Variants in SLC35F3 observed in about 807,000 individuals in gnomAD.
SLC35F3 encodes putative thiamine transporter SLC35F3.
SLC35F3 carries 25 observed loss-of-function variants against 49.9 expected under a neutral mutation model. The observed-to-expected ratio is 0.50, with a 90% CI of 0.37 to 0.70. The LOEUF (loss-of-function observed/expected upper bound fraction) is 0.70, where lower values mean the gene tolerates loss of function less well. Among genes scored for constraint, SLC35F3 ranks in the 30% least tolerant of loss-of-function variants. The pLI, the probability that SLC35F3 is intolerant of heterozygous loss-of-function variation, is 0.00. For synonymous variants in SLC35F3, 275 were observed against 265.4 expected, an observed-to-expected ratio of 1.04 and a Z score of -0.35; for missense variants, 525 against 639.8, an observed-to-expected ratio of 0.82 and a Z score of 1.94.
At chr1:234,313,499 A>C (rs528590962) in intron 4 of SLC35F3, among the ~76,000 whole-genome samples, 1 of 152,248 alleles carries the variant, frequency 6.6e-6, no homozygotes, top group African/African-American at 2.4e-5. Context: ...CCTCCAGCCA[A>C]CTGTTCCCTA....
intron 2 of SLC35F3, chr1:234,213,371 G>T: frequency 6.6e-6 from 1 of 152,362 alleles, no homozygotes; most frequent in Non-Finnish European, 1.5e-5. Context: ...GACCCACACT[G>T]ATGGCTGGGC....
intron 3 of SLC35F3, among the ~76,000 whole-genome samples, chr1:234,307,255 C>T (rs557518670): frequency 6.6e-6 from 1 of 152,186 alleles, no homozygotes; most frequent in African/African-American, 2.4e-5. Flanking sequence ...TCAGTTGAAT[C>T]GGTTTCATGA....
At chr1:234,123,442 C>T (rs892820138) in intron 2 of SLC35F3, among the ~76,000 whole-genome samples, 1 of 152,174 alleles carries the variant, frequency 6.6e-6, no homozygotes, top group Admixed American at 6.5e-5. Flanking sequence ...CACAATCTTA[C>T]TCTATCGCTC....
At chr1:234,228,984 T>C (rs1667328385) in intron 2 of SLC35F3, among the ~76,000 whole-genome samples, 1 of 152,198 alleles carries the variant, frequency 6.6e-6, no homozygotes, top group Non-Finnish European at 1.5e-5. Context: ...AGACACAGTA[T>C]AGTGAAGTGG....
At chr1:234,163,257 A>G (rs2102914461) in intron 2 of SLC35F3, among the ~76,000 whole-genome samples, 1 of 152,340 alleles carries the variant, frequency 6.6e-6, no homozygotes, top group East Asian at 1.9e-4. Flanking sequence ...TGTTGATGTT[A>G]GTACCTTCCT....
intron 2 of SLC35F3, among the ~76,000 whole-genome samples, chr1:234,184,642 G>C (rs1340768050): frequency 6.6e-6 from 1 of 152,140 alleles, no homozygotes; most frequent in South Asian, 2.1e-4. Flanking sequence ...AGCCCATCCT[G>C]GCTCTGGGAT....
At chr1:234,301,012 G>C (rs1327398485) in intron 3 of SLC35F3, among the ~76,000 whole-genome samples, 27 of 152,218 alleles carry the variant, frequency 1.8e-4, no homozygotes, top group Admixed American at 1.8e-3. Context: ...TATCTGGCCT[G>C]GGTAGAAACA....
intron 2 of SLC35F3, among the ~76,000 whole-genome samples, chr1:234,203,617 A>C (rs1465020860): frequency 6.6e-6 from 1 of 152,130 alleles, no homozygotes; most frequent in Non-Finnish European, 1.5e-5. Flanking sequence ...AGGCTGAGGC[A>C]GGAGAATCAC....
chr1:234,108,421 TTATA>T (rs1361499595), intron 2 of SLC35F3, among the ~76,000 whole-genome samples: 1 of 96,964 alleles, frequency 1.0e-5, no homozygotes, highest in Admixed American at 1.4e-4. Context: ...TATATATTAT[TTATA>T]TATAAAAGAT....
At chr1:234,133,161 A>G (rs1665759247) in intron 2 of SLC35F3, among the ~76,000 whole-genome samples, 1 of 152,168 alleles carries the variant, frequency 6.6e-6, no homozygotes, top group South Asian at 2.1e-4. Flanking sequence ...GTGTCTTTTC[A>G]AAGAATTACA....
At chr1:233,935,544 G>A (rs1277674889) in intron 2 of SLC35F3, among the ~76,000 whole-genome samples, 1 of 152,050 alleles carries the variant, frequency 6.6e-6, no homozygotes, top group East Asian at 1.9e-4. Flanking sequence ...GGTTGACGGA[G>A]TTTGCTGTCC....
At chr1:233,925,005 T>C (rs549743869) in intron 2 of SLC35F3, among the ~76,000 whole-genome samples, 3 of 152,330 alleles carry the variant, frequency 2.0e-5, no homozygotes, top group South Asian at 4.1e-4. Context: ...AGACAGTTTG[T>C]TATAATTTCT....
intron 2 of SLC35F3, among the ~76,000 whole-genome samples, chr1:234,096,947 T>G (rs975828787): frequency 8.0e-5 from 12 of 150,364 alleles, no homozygotes; most frequent in African/African-American, 2.9e-4. Context: ...TGGAGTGCAA[T>G]GGTGTGCTCT....
chr1:234,249,883 T>C (rs1360111471), intron 3 of SLC35F3, among the ~76,000 whole-genome samples: 1 of 152,232 alleles, frequency 6.6e-6, no homozygotes, highest in Non-Finnish European at 1.5e-5. Flanking sequence ...CCATGTTAAT[T>C]AGGCTTCTGT....
chr1:234,050,556 A>G (rs1207011599), intron 2 of SLC35F3, among the ~76,000 whole-genome samples: 1 of 152,218 alleles, frequency 6.6e-6, no homozygotes, highest in Non-Finnish European at 1.5e-5. Context: ...TCAGATGAGT[A>G]GATTGCAAAA....
At chr1:233,924,730 G>A (rs1190318921) in intron 2 of SLC35F3, among the ~76,000 whole-genome samples, 7 of 152,146 alleles carry the variant, frequency 4.6e-5, no homozygotes, top group Non-Finnish European at 8.8e-5. Context: ...ATGTTATGGT[G>A]TCAATTTTAG....
Position 234,214,423 on chromosome 1 carries a change from C to A in SLC35F3, c.284-16994C>A, listed in dbSNP as rs1667089517. Reference sequence around the variant, plus strand: ...GCAGAGGGCCGCGTCGGCCACGGGCCCGGGAGAGACGCGCTCCAGCCGGCC... The same window carrying A: ...GCAGAGGGCCGCGTCGGCCACGGGCACGGGAGAGACGCGCTCCAGCCGGCC... On this transcript the variant is annotated intron_variant, in intron 2 of 7. Coordinates refer to ENST00000366618, the MANE Select transcript of SLC35F3 (RefSeq NM_173508.4). The surrounding 1 kb of genome is among the most constrained non-coding windows in gnomAD (Gnocchi z 8.0). 1.4e-6 allele frequency: 2 copies of A among 1,460,562 alleles called. No individual in the cohort carries two copies. Among genetic ancestry groups the A allele is most frequent in the Non-Finnish European group, 1.8e-6 (2 of 1,103,516 alleles). The allele number at this position is 1,460,562 out of a possible 1,614,324, so 90.5% of individuals were successfully genotyped here. A position where few individuals can be genotyped will look rare whatever the true frequency, so the allele number is the denominator to read the frequency against.
At chr1:234,308,102 G>A (rs1657243794) in intron 3 of SLC35F3, among the ~76,000 whole-genome samples, 1 of 152,166 alleles carries the variant, frequency 6.6e-6, no homozygotes, top group Admixed American at 6.5e-5. Context: ...GTTAGACTCT[G>A]AACTTTTGGA....
In SLC35F3 at chr1:234,006,311, G is replaced by A. The variant is rs1663630001; in HGVS notation, c.283+100553G>A. 3.3e-5 allele frequency among the ~76,000 whole-genome samples: 5 copies of A among 152,136 alleles called. No homozygotes were observed. In the South Asian group the frequency reaches 1.0e-3, roughly 32 times the overall value. On this transcript the variant is annotated intron_variant, in intron 2 of 7. Transcript: ENST00000366618. ...TATAAGTACAACTCCAGGAACAAAT[G>A]GACAGACTAAAATTAAGATTTTTCT...
Sources: allele counts gnomAD v4.1 joint callset (sites outside exome capture counted in the v4.1 genomes callset), GRCh38; gene constraint gnomAD v4.1.1; non-coding constraint Gnocchi (gnomAD v3.1); transcripts MANE v1.5; gene names NCBI Gene and HGNC (gene_info 2026-07-23, HGNC 2026-07-21).